EDN3: variants seen among roughly 807,000 people sequenced by gnomAD.
EDN3 encodes the protein endothelin-3.
In EDN3, 9 loss-of-function variants were observed where a neutral mutation model predicts 21.4. The ratio of observed to expected loss-of-function variants is 0.42; its 90% CI spans 0.25 to 0.73. The LOEUF is 0.73. EDN3 is among the 30% of genes least tolerant of loss of function. The probability of loss-of-function intolerance (pLI) is 0.26; values close to 1 mark genes in which losing one functional copy is unlikely to be tolerated. For missense variants in EDN3, 327 were observed against 309.4 expected (o/e 1.06, Z -0.43); for synonymous variants, 133 against 126.2 (o/e 1.05, Z -0.36).
At chr20:59,302,302 G>A (rs1345790045) in intron 2 of EDN3, among the ~76,000 whole-genome samples, 1 of 152,130 alleles carries the variant, frequency 6.6e-6, no homozygotes, top group Non-Finnish European at 1.5e-5. Flanking sequence ...ACATCAGCTC[G>A]TCCTTGGGCC....
chr20:59,321,353 G>A (rs1990534847), intron 3 of EDN3, among the ~76,000 whole-genome samples, 160 bp downstream of exon 3: 1 of 152,192 alleles, frequency 6.6e-6, no homozygotes, highest in Non-Finnish European at 1.5e-5. Flanking sequence ...GCCCAGAAAA[G>A]ACCCAGGTCC....
chr20:59,313,382 T>C lies in EDN3; in HGVS notation c.366-7635T>C, dbSNP rs11570309. ...TGTGCCTGGGCCAGACACCATCTCT[T>C]AAATGAAACGAAGGAACTGGCCCTC... is the stretch of plus-strand genomic sequence containing the variant. On this transcript the variant is annotated intron_variant, in intron 2 of 4. Transcript: ENST00000337938. Among the ~76,000 whole-genome samples, 1,363 of 152,280 alleles carry C rather than the reference T, an allele frequency of 9.0e-3. 24 individuals are homozygous for C. Among genetic ancestry groups the C allele is most frequent in the African/African-American group, 0.031 (1,304 of 41,544 alleles).
chr20:59,304,179 T>C (rs1989238805), intron 2 of EDN3, among the ~76,000 whole-genome samples: 2 of 151,674 alleles, frequency 1.3e-5, no homozygotes, highest in South Asian at 4.2e-4. Flanking sequence ...TGTTGTCATC[T>C]TTAAAATATC....
chr20:59,304,049 C>T (rs947671067), intron 2 of EDN3, among the ~76,000 whole-genome samples: 15 of 151,936 alleles, frequency 9.9e-5, no homozygotes, highest in African/African-American at 3.4e-4. Context: ...CTTTCTTACC[C>T]TCCAAACTTC....
intron 2 of EDN3, among the ~76,000 whole-genome samples, chr20:59,308,990 C>T (rs939685538): frequency 1.3e-5 from 2 of 152,224 alleles, no homozygotes; most frequent in African/African-American, 4.8e-5. Context: ...AAAGGTGTGC[C>T]TGGCTGTCTG....
intron 2 of EDN3, among the ~76,000 whole-genome samples, chr20:59,312,365 AT>A (rs796864504): frequency 1.4e-4 from 21 of 149,788 alleles, no homozygotes; most frequent in East Asian, 5.8e-4. Context: ...TGTTTCTCTA[AT>A]TTTTTTTTTA....
intron 3 of EDN3, 83 bp downstream of exon 3, chr20:59,321,276 G>A: frequency 6.8e-7 from 1 of 1,481,220 alleles, no homozygotes; most frequent in South Asian, 1.1e-5. Flanking sequence ...CTCAAAGGAG[G>A]GTGTAGGATA....
chr20:59,305,147 T>C lies in EDN3; in HGVS notation c.365+3425T>C, dbSNP rs1290325707. ...CCCCAAAGAGGAACCAAATTTATAC[T>C]TACCCTGTCAAGGCTGCTGGGATCA... On this transcript the variant is annotated intron_variant, in intron 2 of 4. Transcript: ENST00000337938. This position sits in a 1 kb window ranked among gnomAD's most constrained non-coding sequence, Gnocchi z 4.2. Among the ~76,000 whole-genome samples, 1 of 152,200 alleles carries C rather than the reference T, an allele frequency of 6.6e-6. No homozygotes were observed. Among genetic ancestry groups the C allele is most frequent in the Non-Finnish European group, 1.5e-5 (1 of 68,028 alleles).
intron 2 of EDN3, among the ~76,000 whole-genome samples, chr20:59,313,964 G>A (rs1436245852): frequency 6.6e-6 from 1 of 152,178 alleles, no homozygotes; most frequent in Admixed American, 6.5e-5. Flanking sequence ...TTTGATGAGC[G>A]GGCAAGGAAT....
rs1462675627 is a variant in EDN3, at chr20:59,324,603, C to CA, written c.*144_*145insA. ...AAGAGTCCCCACTTAACAATACCCC[C>CA]CCCCCACGGCAAGAATGCCCAAATC... On this transcript the variant is annotated 3_prime_UTR_variant, in exon 5 of 5. Coordinates refer to ENST00000337938, the MANE Select transcript of EDN3 (RefSeq NM_207034.3). 8.2e-6 allele frequency: 9 copies of CA among 1,101,926 alleles called. No homozygotes were observed. Among genetic ancestry groups the CA allele is most frequent in the Non-Finnish European group, 1.2e-5 (9 of 759,446 alleles). The allele number at this position is 1,101,926 out of a possible 1,614,324, so 68.3% of individuals were successfully genotyped here. A position where few individuals can be genotyped will look rare whatever the true frequency, so the allele number is the denominator to read the frequency against.
At chr20:59,301,777 C>T (rs1212931042) in intron 2 of EDN3, 55 bp downstream of exon 2, 1 of 1,588,404 alleles carries the variant, frequency 6.3e-7, no homozygotes. Flanking sequence ...CCCACATCTG[C>T]TCATTCCCAG....
chr20:59,321,100 A>G lies in EDN3; in HGVS notation c.449A>G (p.Gln150Arg). 6.2e-7 allele frequency: 1 copy of G among 1,614,214 alleles called. No homozygotes were observed. Among genetic ancestry groups the G allele is most frequent in the Non-Finnish European group, 8.5e-7 (1 of 1,180,028 alleles). Residue 150 changes from glutamine to arginine, a missense_variant, in exon 3 of 5, where the codon CAG (glutamine) becomes CGG (arginine). Physicochemically the swap from Gln to Arg is conservative, Grantham distance 43 (BLOSUM62 1). Coordinates refer to ENST00000337938, the MANE Select transcript of EDN3 (RefSeq NM_207034.3). ...GCGGGGCCACTTCCAGGGAATCTGC[A>G]GCTCTCACATCGGCCACACTTGCGC... ...RSAGPLPGNL[Q>R]LSHRPHLRCA... is the part of the protein sequence containing the mutation.
At chr20:59,302,071 A>G (rs1989088350) in intron 2 of EDN3, among the ~76,000 whole-genome samples, 1 of 152,176 alleles carries the variant, frequency 6.6e-6, no homozygotes, top group African/African-American at 2.4e-5. Context: ...CCGAAAGTTT[A>G]TCTCATTCCC....
chr20:59,301,617 G>T lies in EDN3; in HGVS notation c.260G>T (p.Gly87Val), dbSNP rs765738929. The T allele has an allele frequency of 5.6e-6, 9 of 1,614,104 alleles. No homozygotes were observed. In the South Asian group the frequency reaches 8.8e-5, roughly 16 times the overall value. Reference protein sequence around the residue: ...GSPGQEQAAEGAPEHHRSRRC... With the variant: ...GSPGQEQAAEVAPEHHRSRRC... Reference sequence around the variant, plus strand: ...CCTGGGCAGGAGCAGGCGGCCGAGGGGGCCCCTGAGCACCACCGATCCAGG... The same window carrying T: ...CCTGGGCAGGAGCAGGCGGCCGAGGTGGCCCCTGAGCACCACCGATCCAGG... Residue 87 changes from glycine (G) to valine (V), a missense_variant, in exon 2 of 5, where the codon GGG becomes GTG. Gly to Val is a moderately radical substitution (Grantham distance 109). Coordinates refer to ENST00000337938, the MANE Select transcript of EDN3 (RefSeq NM_207034.3).
rs1024749057 is a variant in EDN3 at position 59,303,850 on chromosome 20, G to T, written c.365+2128G>T. On this transcript the variant is annotated intron_variant, in intron 2 of 4. Coordinates refer to ENST00000337938, the MANE Select transcript of EDN3 (RefSeq NM_207034.3). Reference sequence around the variant, plus strand: ...TGATTTACCTCTTCCCTTCCTTCCCGACACTGGTTCAATTTAAACATGATG... The same window carrying T: ...TGATTTACCTCTTCCCTTCCTTCCCTACACTGGTTCAATTTAAACATGATG... 3.3e-5 allele frequency among the ~76,000 whole-genome samples: 5 copies of T among 152,042 alleles called. No individual in the cohort carries two copies. The East Asian group carries it at 9.7e-4, about 29-fold the overall frequency.
intron 2 of EDN3, among the ~76,000 whole-genome samples, chr20:59,320,162 C>T (rs892274245): frequency 1.3e-5 from 2 of 152,244 alleles, no homozygotes; most frequent in South Asian, 2.1e-4. Context: ...TTCTTCATCA[C>T]GCGGCTCTTC....
At chr20:59,309,035 G>T (rs1329886589) in intron 2 of EDN3, among the ~76,000 whole-genome samples, 1 of 152,182 alleles carries the variant, frequency 6.6e-6, no homozygotes, top group African/African-American at 2.4e-5. Flanking sequence ...AAGACTCTGT[G>T]GTCAAAGGTT....
In EDN3 at chr20:59,322,340, T is replaced by C. The variant is rs755435408; in HGVS notation, c.543-32T>C. 3.7e-6 allele frequency: 6 copies of C among 1,613,542 alleles called. No homozygotes were observed. The highest frequency in any genetic ancestry group is 1.7e-4 in the Middle Eastern group (1 of 6,060). Reference sequence around the variant, plus strand: ...AAAACCAGCCACAGGGAAAGGCAGGTTGATTGATTAAAACCAGCTCTCTCC... The same window carrying C: ...AAAACCAGCCACAGGGAAAGGCAGGCTGATTGATTAAAACCAGCTCTCTCC... On this transcript the variant is annotated intron_variant, in intron 3 of 4. Transcript: ENST00000337938. This position sits in a 1 kb window ranked among gnomAD's most constrained non-coding sequence, Gnocchi z 4.1.
intron 2 of EDN3, among the ~76,000 whole-genome samples, chr20:59,318,797 G>A (rs1177277948): frequency 6.6e-6 from 1 of 152,242 alleles, no homozygotes; most frequent in Non-Finnish European, 1.5e-5. Context: ...TTTGGCTCAA[G>A]TTGAGGGGCT....
Sources: allele counts gnomAD v4.1 joint callset (sites outside exome capture counted in the v4.1 genomes callset), GRCh38; gene constraint gnomAD v4.1.1; non-coding constraint Gnocchi (gnomAD v3.1); transcripts MANE v1.5; gene names NCBI Gene and HGNC (gene_info 2026-07-23, HGNC 2026-07-21).